The following NEK7 variants were observed in gnomAD, a reference collection of about 807,000 sequenced individuals.
NEK7 encodes the protein NIMA related kinase 7, also known as serine/threonine-protein kinase Nek7.
In NEK7, 18 loss-of-function variants were observed where a neutral mutation model predicts 44.6. That is an observed-to-expected ratio of 0.40 (90% CI 0.28 to 0.60). The LOEUF is 0.60. Among genes scored for constraint, NEK7 ranks in the 20% least tolerant of loss-of-function variants. The pLI, the probability that NEK7 is intolerant of heterozygous loss-of-function variation, is 0.38. For missense variants in NEK7, 256 were observed against 366.5 expected (o/e 0.70, Z 2.46); for synonymous variants, 130 against 121.1 (o/e 1.07, Z -0.48).
At chr1:198,210,195 A>G (rs925693405) in intron 1 of NEK7, among the ~76,000 whole-genome samples, 1 of 152,108 alleles carries the variant, frequency 6.6e-6, no homozygotes, top group Non-Finnish European at 1.5e-5. Flanking sequence ...CCTGGGTTCA[A>G]GTGATCCTCC....
intron 5 of NEK7, among the ~76,000 whole-genome samples, chr1:198,266,084 A>G (rs370759232): frequency 4.6e-5 from 7 of 152,102 alleles, no homozygotes; most frequent in African/African-American, 1.4e-4. Flanking sequence ...ATTTAAATAT[A>G]AGAATATATA....
intron 3 of NEK7, among the ~76,000 whole-genome samples, chr1:198,261,075 A>G (rs976444629): frequency 1.3e-5 from 2 of 152,018 alleles, no homozygotes; most frequent in African/African-American, 4.8e-5. Flanking sequence ...ATTTACTTTT[A>G]TGCAGTAGAT....
At chr1:198,217,875 T>C (rs1665969561) in intron 1 of NEK7, among the ~76,000 whole-genome samples, 1 of 144,720 alleles carries the variant, frequency 6.9e-6, no homozygotes, top group South Asian at 2.1e-4. Flanking sequence ...CCTAGGAATA[T>C]ACTTAACCAA....
At chr1:198,314,719 G>T (rs977909712) in intron 9 of NEK7, among the ~76,000 whole-genome samples, 1 of 152,180 alleles carries the variant, frequency 6.6e-6, no homozygotes, top group Non-Finnish European at 1.5e-5. Flanking sequence ...GCCCCTGCAG[G>T]GGGGTGCCTC....
chr1:198,254,619 T>G lies in NEK7; in HGVS notation c.198+1439T>G, dbSNP rs192793454. Among the ~76,000 whole-genome samples, 194 of 152,310 alleles carry G rather than the reference T, an allele frequency of 1.3e-3. 2 individuals are homozygous for G. In the South Asian group the frequency reaches 0.014, roughly 11 times the overall value. ...TACAGTTATTTGCTATTACAAACAA[T>G]GCTTCTCTGATATTCTCATGTCTTT... On this transcript the variant is annotated intron_variant, in intron 3 of 9. Coordinates refer to ENST00000367385, the MANE Select transcript of NEK7 (RefSeq NM_133494.3).
chr1:198,292,482 C>T (rs1275758878), intron 7 of NEK7, among the ~76,000 whole-genome samples: 1 of 151,894 alleles, frequency 6.6e-6, no homozygotes, highest in Admixed American at 6.6e-5. Context: ...ACGCTGTGTT[C>T]TAAAGGATGT....
Position 198,176,975 on chromosome 1 carries a change from G to A in NEK7, c.-29+19699G>A, listed in dbSNP as rs192234002. On this transcript the variant is annotated intron_variant, in intron 1 of 9. Transcript: ENST00000367385. ...TTCTGGAGCTACAGGTTTATAAATCGTCAGTATGTAGGAGGCAGGTTATGT... is the reference window on the plus strand; with the variant it reads ...TTCTGGAGCTACAGGTTTATAAATCATCAGTATGTAGGAGGCAGGTTATGT... Among the ~76,000 whole-genome samples, 8 of 152,112 alleles carry A rather than the reference G, an allele frequency of 5.3e-5. No individual in the cohort carries two copies. The East Asian group carries it at 7.7e-4, about 15-fold the overall frequency.
Position 198,319,671 on chromosome 1 carries a change from T to C in NEK7, c.*149T>C, listed in dbSNP as rs1655481357. 2.2e-6 allele frequency: 2 copies of C among 927,556 alleles called. No homozygotes were observed. The highest frequency in any genetic ancestry group is 3.4e-5 in the African/African-American group (2 of 58,096). The allele number at this position is 927,556 out of a possible 1,614,324, so 57.5% of individuals were successfully genotyped here. A position where few individuals can be genotyped will look rare whatever the true frequency, so the allele number is the denominator to read the frequency against. ...CAGTTTTCATATAAGCTTCATTTTG[T>C]ACCAGTCACCTAAATCACCTCCTTG... On this transcript the variant is annotated 3_prime_UTR_variant, in exon 10 of 10. Coordinates refer to ENST00000367385, the MANE Select transcript of NEK7 (RefSeq NM_133494.3).
intron 8 of NEK7, among the ~76,000 whole-genome samples, chr1:198,295,646 C>T (rs780258401): frequency 1.1e-4 from 16 of 150,344 alleles, no homozygotes; most frequent in Admixed American, 1.1e-3. Context: ...TAACACTCTG[C>T]AGTACTGAGA....
intron 1 of NEK7, among the ~76,000 whole-genome samples, chr1:198,230,314 C>A (rs554159520): frequency 6.6e-6 from 1 of 152,134 alleles, no homozygotes; most frequent in East Asian, 1.9e-4. Flanking sequence ...TCCAATACTG[C>A]ATAAACATGA....
chr1:198,259,534 T>C (rs752235639), intron 3 of NEK7, among the ~76,000 whole-genome samples: 1 of 152,158 alleles, frequency 6.6e-6, no homozygotes, highest in Non-Finnish European at 1.5e-5. Context: ...TCCTTGTAAA[T>C]AGCATTTCCT....
chr1:198,182,977 T>C (rs1362223872), intron 1 of NEK7, among the ~76,000 whole-genome samples: 1 of 152,178 alleles, frequency 6.6e-6, no homozygotes, highest in Non-Finnish European at 1.5e-5. Flanking sequence ...GAATGAGAAC[T>C]CATGGAAGCA....
At chr1:198,170,613 G>A (rs1395603649) in intron 1 of NEK7, among the ~76,000 whole-genome samples, 11 of 152,090 alleles carry the variant, frequency 7.2e-5, no homozygotes, top group African/African-American at 2.4e-4. Context: ...ATCCCCTCAT[G>A]GAGAAAATGT....
At chr1:198,275,002 T>C (rs1653971965) in intron 5 of NEK7, among the ~76,000 whole-genome samples, 1 of 151,758 alleles carries the variant, frequency 6.6e-6, no homozygotes. Flanking sequence ...GGTAATCTTC[T>C]TACACATAAG....
intron 1 of NEK7, among the ~76,000 whole-genome samples, chr1:198,226,020 G>A (rs185243172): frequency 1.1e-4 from 16 of 151,986 alleles, no homozygotes; most frequent in East Asian, 1.9e-4. Flanking sequence ...AGGTATTGAC[G>A]TAAGCACTGG....
intron 1 of NEK7, among the ~76,000 whole-genome samples, chr1:198,160,706 G>T (rs1481897715): frequency 6.6e-6 from 1 of 152,074 alleles, no homozygotes; most frequent in African/African-American, 2.4e-5. Flanking sequence ...CATTTTTGTA[G>T]GGAATATGGA....
At chr1:198,274,912 T>C (rs1030460913) in intron 5 of NEK7, among the ~76,000 whole-genome samples, 26 of 151,806 alleles carry the variant, frequency 1.7e-4, no homozygotes, top group African/African-American at 6.3e-4. Flanking sequence ...TATAGCCCTT[T>C]TTATATTAAT....
rs561497264 is a variant in NEK7 at position 198,276,001 on chromosome 1, A to C, written c.373-1960A>C. On this transcript the variant is annotated intron_variant, in intron 5 of 9. Transcript: ENST00000367385. ...AATTCATGTCATTCTTTAAAGGCCT[A>C]TAACGAATTTGGATACTTAACTCTT... 3.3e-5 allele frequency among the ~76,000 whole-genome samples: 5 copies of C among 151,822 alleles called. No homozygotes were observed. The South Asian group carries it at 1.0e-3, about 31-fold the overall frequency.
At chr1:198,309,180 A>G (rs1655101464) in intron 9 of NEK7, among the ~76,000 whole-genome samples, 1 of 152,190 alleles carries the variant, frequency 6.6e-6, no homozygotes, top group African/African-American at 2.4e-5. Context: ...TACAGTGAGC[A>G]GATGCATGGG....
Sources: allele counts gnomAD v4.1 joint callset (sites outside exome capture counted in the v4.1 genomes callset), GRCh38; gene constraint gnomAD v4.1.1; transcripts MANE v1.5; gene names NCBI Gene and HGNC (gene_info 2026-07-23, HGNC 2026-07-21).